AFG1L: variants seen among roughly 807,000 people sequenced by gnomAD.
AFG1L encodes the protein AFG1 like ATPase.
Under a neutral mutation model 62.2 loss-of-function variants are expected in AFG1L, and 53 were observed. The ratio of observed to expected loss-of-function variants is 0.85; its 90% CI spans 0.68 to 1.07. The LOEUF is 1.07. AFG1L is among the 50% of genes least tolerant of loss of function. The pLI is 0.00. For synonymous variants in AFG1L, 228 were observed against 210.3 expected (o/e 1.08, Z -0.73); for missense variants, 555 against 590.5 (o/e 0.94, Z 0.62).
At chr6:108,309,613 T>C (rs912047006) in intron 1 of AFG1L, among the ~76,000 whole-genome samples, 12 of 152,212 alleles carry the variant, frequency 7.9e-5, no homozygotes, top group African/African-American at 2.4e-5. Flanking sequence ...ACTGTTCACC[T>C]ATTGGAAAAC....
intron 1 of AFG1L, among the ~76,000 whole-genome samples, chr6:108,301,242 G>C (rs1344259896): frequency 1.3e-5 from 2 of 152,020 alleles, no homozygotes; most frequent in Non-Finnish European, 2.9e-5. Flanking sequence ...CTTGTATCTT[G>C]TGCCAACCTC....
chr6:108,385,251 A>T (rs1780711237), intron 6 of AFG1L, among the ~76,000 whole-genome samples: 1 of 152,168 alleles, frequency 6.6e-6, no homozygotes, highest in South Asian at 2.1e-4. Flanking sequence ...CCATAAACAA[A>T]ATCTCTGCAG....
chr6:108,438,300 T>G (rs998755467), intron 7 of AFG1L, among the ~76,000 whole-genome samples: 1 of 152,180 alleles, frequency 6.6e-6, no homozygotes, highest in Non-Finnish European at 1.5e-5. Context: ...GCAGGTTTGG[T>G]CTCTCCTGAG....
chr6:108,394,345 C>T (rs375217014), intron 6 of AFG1L, among the ~76,000 whole-genome samples: 5 of 151,968 alleles, frequency 3.3e-5, no homozygotes, highest in African/African-American at 1.2e-4. Context: ...GATGGGGTTT[C>T]ACCATGTTGG....
intron 10 of AFG1L, among the ~76,000 whole-genome samples, chr6:108,503,515 T>G (rs1318973556): frequency 6.6e-6 from 1 of 152,184 alleles, no homozygotes; most frequent in African/African-American, 2.4e-5. Flanking sequence ...AAAGGGGGCT[T>G]AAAATACGTA....
intron 10 of AFG1L, among the ~76,000 whole-genome samples, chr6:108,506,754 G>T (rs558170901): frequency 6.6e-6 from 1 of 152,162 alleles, no homozygotes; most frequent in Non-Finnish European, 1.5e-5. Flanking sequence ...TTGTTATAAT[G>T]TATTGCTTTT....
chr6:108,448,549 C>T (rs888301446), intron 8 of AFG1L, among the ~76,000 whole-genome samples: 1 of 151,302 alleles, frequency 6.6e-6, no homozygotes, highest in African/African-American at 2.4e-5. Flanking sequence ...ATGGGGAGTT[C>T]CTTAAATAAA....
intron 8 of AFG1L, among the ~76,000 whole-genome samples, chr6:108,471,622 G>A (rs1486759989): frequency 2.0e-5 from 3 of 151,768 alleles, no homozygotes; most frequent in Non-Finnish European, 4.4e-5. Context: ...ACCATGCCCT[G>A]TTAAGTTTTG....
At chr6:108,358,277 A>T (rs1332754208) in intron 5 of AFG1L, among the ~76,000 whole-genome samples, 2 of 152,228 alleles carry the variant, frequency 1.3e-5, no homozygotes, top group Non-Finnish European at 2.9e-5. Flanking sequence ...TGGCATAGTT[A>T]CAATTTTGAT....
chr6:108,494,065 G>A (rs567612732), intron 10 of AFG1L, among the ~76,000 whole-genome samples: 6 of 152,046 alleles, frequency 3.9e-5, no homozygotes, highest in Non-Finnish European at 8.8e-5. Flanking sequence ...CAAGCAATCC[G>A]CCCGTCTCGG....
chr6:108,491,916 A>C (rs1207422689), intron 10 of AFG1L, among the ~76,000 whole-genome samples: 2 of 152,218 alleles, frequency 1.3e-5, no homozygotes, highest in Non-Finnish European at 2.9e-5. Context: ...TCAAATATCC[A>C]AGCCTGAGAG....
At chr6:108,510,424 C>A in intron 11 of AFG1L, 72 bp downstream of exon 11, 1 of 1,198,008 alleles carries the variant, frequency 8.3e-7, no homozygotes, top group Non-Finnish European at 1.2e-6. Flanking sequence ...GGCTGGAAAT[C>A]CTGACTTAAC....
At chr6:108,511,424 T>C (rs960130012) in intron 11 of AFG1L, among the ~76,000 whole-genome samples, 5 of 152,208 alleles carry the variant, frequency 3.3e-5, no homozygotes, top group African/African-American at 1.2e-4. Flanking sequence ...GGGGTCAGGC[T>C]GTCTATCCTA....
At chr6:108,344,634 T>G (rs1778798411) in intron 2 of AFG1L, 1 of 454,452 alleles carries the variant, frequency 2.2e-6, no homozygotes, top group South Asian at 1.6e-5. Flanking sequence ...GATGAGACCC[T>G]GAAAGCTAGG....
chr6:108,422,675 A>G (rs931733504), intron 7 of AFG1L, among the ~76,000 whole-genome samples: 1 of 151,886 alleles, frequency 6.6e-6, no homozygotes, highest in Non-Finnish European at 1.5e-5. Flanking sequence ...TACGTTTAAA[A>G]AAATCTACCC....
At chr6:108,514,537 A>G (rs1212210895) in intron 11 of AFG1L, among the ~76,000 whole-genome samples, 2 of 152,230 alleles carry the variant, frequency 1.3e-5, no homozygotes, top group African/African-American at 2.4e-5. Flanking sequence ...CAGCCACTGC[A>G]AAAACATGTC....
At chr6:108,441,488 G>C (rs1461512495) in intron 7 of AFG1L, among the ~76,000 whole-genome samples, 2 of 151,724 alleles carry the variant, frequency 1.3e-5, no homozygotes, top group East Asian at 3.8e-4. Context: ...TTGTTTGCTG[G>C]CTGATTAGTG....
chr6:108,446,333 G>A (rs148643732), intron 7 of AFG1L, among the ~76,000 whole-genome samples: 56 of 152,154 alleles, frequency 3.7e-4, no homozygotes, highest in African/African-American at 7.2e-4. Flanking sequence ...GCAGGAAAGC[G>A]CACTGAAATG....
At chr6:108,476,445 A>T (rs1035689469) in intron 8 of AFG1L, among the ~76,000 whole-genome samples, 1 of 152,190 alleles carries the variant, frequency 6.6e-6, no homozygotes, top group Non-Finnish European at 1.5e-5. Flanking sequence ...TGATTTTTTT[A>T]AAATGCAGCT....
Sources: allele counts gnomAD v4.1 joint callset (sites outside exome capture counted in the v4.1 genomes callset), GRCh38; gene constraint gnomAD v4.1.1; transcripts MANE v1.5; gene names NCBI Gene and HGNC (gene_info 2026-07-23, HGNC 2026-07-21).